Variants in CYBRD1 observed in about 807,000 individuals in gnomAD.
CYBRD1 encodes cytochrome b reductase 1.
A neutral mutation model predicts 21.9 loss-of-function variants in CYBRD1; 14 were observed. That is an observed-to-expected ratio of 0.64 (90% CI 0.42 to 1.00). The LOEUF is 1.00. Among genes scored for constraint, CYBRD1 ranks in the 50% least tolerant of loss-of-function variants. The probability of loss-of-function intolerance (pLI) is 0.00; values close to 1 mark genes in which losing one functional copy is unlikely to be tolerated. For synonymous variants in CYBRD1, 146 were observed against 136.5 expected, an observed-to-expected ratio of 1.07 and a Z score of -0.48; for missense variants, 328 against 352.5, an observed-to-expected ratio of 0.93 and a Z score of 0.56.
At chr2:171,536,231 C>A (rs991667872) in intron 1 of CYBRD1, among the ~76,000 whole-genome samples, 1 of 150,344 alleles carries the variant, frequency 6.7e-6, no homozygotes, top group East Asian at 2.0e-4. Flanking sequence ...CTCTGCCTCT[C>A]GGGTTCAAGC....
At position 171,554,618 on chromosome 2, in the gene CYBRD1, A is replaced by T; in HGVS notation, c.652A>T (p.Ile218Leu). 1 of 1,613,968 alleles carries T rather than the reference A, an allele frequency of 6.2e-7. No homozygotes were observed. ...ILVFGALIFWIVTRPQWKRPK... is the reference protein window; with the variant it reads ...ILVFGALIFWLVTRPQWKRPK... The stretch of plus-strand genomic sequence containing the variant: ...GGTGTTCGGGGCCCTCATTTTTTGG[A>T]TAGTCACCAGACCGCAATGGAAACG... The change falls in exon 4 of 4, where the codon ATA (isoleucine) becomes TTA (leucine). Residue 218 changes from isoleucine to leucine, a missense_variant. Coordinates refer to ENST00000321348, the MANE Select transcript of CYBRD1 (RefSeq NM_024843.4).
In CYBRD1 at chr2:171,522,475, C is replaced by T. The variant is rs1248573897; in HGVS notation, c.-71C>T. On this transcript the variant is annotated 5_prime_UTR_variant, in exon 1 of 4. Transcript: ENST00000321348. The surrounding 1 kb of genome is among the most constrained non-coding windows in gnomAD (Gnocchi z 4.3). ...TCGACGCCCCGGTCCCGCCGCCCGG[C>T]CACTACCCAGAGGGCTGCCGCCGCC... 2 of 1,544,994 alleles carry T rather than the reference C, an allele frequency of 1.3e-6. No individual in the cohort carries two copies. The highest frequency in any genetic ancestry group is 1.7e-6 in the Non-Finnish European group (2 of 1,146,686).
chr2:171,525,922 G>A (rs1697378703), intron 1 of CYBRD1, among the ~76,000 whole-genome samples: 1 of 139,144 alleles, frequency 7.2e-6, no homozygotes, highest in South Asian at 2.3e-4. Flanking sequence ...ACTTCAGCCT[G>A]GGCAACAAGA....
intron 1 of CYBRD1, among the ~76,000 whole-genome samples, chr2:171,525,022 C>G (rs896215432): frequency 6.6e-6 from 1 of 152,154 alleles, no homozygotes; most frequent in African/African-American, 2.4e-5. Flanking sequence ...ACTGCAACCT[C>G]CACCTCCCAG....
chr2:171,526,610 C>T (rs1697390211), intron 1 of CYBRD1, among the ~76,000 whole-genome samples: 1 of 152,168 alleles, frequency 6.6e-6, no homozygotes, highest in Non-Finnish European at 1.5e-5. Flanking sequence ...TTAGAAGAGG[C>T]TTTGTGCTTC....
At chr2:171,545,138 CAA>C (rs761208882) in intron 2 of CYBRD1, among the ~76,000 whole-genome samples, 68 of 68,788 alleles carry the variant, frequency 9.9e-4, no homozygotes, top group African/African-American at 7.8e-4. Context: ...GACCCTGTCT[CAA>C]AAAAAAAAAA....
intron 2 of CYBRD1, among the ~76,000 whole-genome samples, chr2:171,552,334 T>G (rs1683390242): frequency 6.6e-6 from 1 of 152,194 alleles, no homozygotes; most frequent in South Asian, 2.1e-4. Context: ...TACAAATTGT[T>G]TTGTTATCAG....
chr2:171,545,700 A>AT (rs1329408063), intron 2 of CYBRD1, among the ~76,000 whole-genome samples: 1 of 151,638 alleles, frequency 6.6e-6, no homozygotes, highest in African/African-American at 2.4e-5. Context: ...ATGTTTATTT[A>AT]TTTTTTAATT....
At chr2:171,537,355 C>T (rs532201534) in intron 1 of CYBRD1, among the ~76,000 whole-genome samples, 9 of 152,088 alleles carry the variant, frequency 5.9e-5, no homozygotes, top group Non-Finnish European at 1.2e-4. Context: ...TCCCAGGAAA[C>T]TAAAGAATTA....
intron 2 of CYBRD1, 120 bp downstream of exon 2, chr2:171,541,913 G>A: frequency 2.4e-6 from 2 of 846,170 alleles, no homozygotes; most frequent in East Asian, 5.3e-5. Flanking sequence ...CACCCAGGCT[G>A]GAGTGCAGTG....
chr2:171,546,838 G>T (rs1027200623), intron 2 of CYBRD1, among the ~76,000 whole-genome samples: 3 of 152,120 alleles, frequency 2.0e-5, no homozygotes, highest in African/African-American at 7.2e-5. Context: ...TAGCATGTGG[G>T]GAAGAGTTTG....
intron 2 of CYBRD1, among the ~76,000 whole-genome samples, chr2:171,543,922 G>A (rs149893464): frequency 6.0e-4 from 91 of 152,030 alleles, no homozygotes; most frequent in African/African-American, 2.0e-3. Context: ...ACATCTCCTG[G>A]TCCTCACATC....
Position 171,550,494 on chromosome 2 carries a change from A to T in CYBRD1, c.403-2852A>T, listed in dbSNP as rs1038509407. Among the ~76,000 whole-genome samples, 4 of 152,166 alleles carry T rather than the reference A, an allele frequency of 2.6e-5. No homozygotes were observed. The East Asian group carries it at 7.7e-4, about 29-fold the overall frequency. On this transcript the variant is annotated intron_variant, in intron 2 of 3. Coordinates refer to ENST00000321348, the MANE Select transcript of CYBRD1 (RefSeq NM_024843.4). ...CACTAGGTTATAAATTATCACCTTC[A>T]CTTGTAAGGTAGTAAGATTAAGATA...
intron 2 of CYBRD1, among the ~76,000 whole-genome samples, chr2:171,546,525 A>G (rs1328322992): frequency 6.6e-6 from 1 of 152,112 alleles, no homozygotes; most frequent in Non-Finnish European, 1.5e-5. Flanking sequence ...TCCCAAATCT[A>G]TTCATATATT....
At chr2:171,542,142 G>A (rs537951602) in intron 2 of CYBRD1, among the ~76,000 whole-genome samples, 2 of 152,222 alleles carry the variant, frequency 1.3e-5, no homozygotes, top group East Asian at 1.9e-4. Flanking sequence ...AGGATTACAG[G>A]TGTGAGCCAC....
rs116626706 is a variant in CYBRD1, at chr2:171,540,510, T to C, written c.194-1075T>C. ...TTTTGGCATATACCCGAGAGTGAAA[T>C]TGCTGGACAATAAGGTATGCATAAC... On this transcript the variant is annotated intron_variant, in intron 1 of 3. Transcript: ENST00000321348. Among the ~76,000 whole-genome samples, 185 of 152,246 alleles carry C rather than the reference T, an allele frequency of 1.2e-3. 3 individuals carry two copies. The highest frequency in any genetic ancestry group is 0.011 in the East Asian group (56 of 5,186).
intron 3 of CYBRD1, 150 bp downstream of exon 3, chr2:171,553,650 T>C (rs1683427893): frequency 1.6e-6 from 1 of 639,418 alleles, no homozygotes; most frequent in South Asian, 4.7e-5. Flanking sequence ...ATATAGGTAA[T>C]ATGATATTAC....
chr2:171,533,622 A>G (rs1352556921), intron 1 of CYBRD1, among the ~76,000 whole-genome samples: 1 of 152,256 alleles, frequency 6.6e-6, no homozygotes, highest in Admixed American at 6.5e-5. Context: ...AAACTTGTGT[A>G]TATAAATAGT....
chr2:171,530,939 A>G (rs1697455612), intron 1 of CYBRD1, among the ~76,000 whole-genome samples: 2 of 152,008 alleles, frequency 1.3e-5, no homozygotes. Flanking sequence ...GACTTTGGGA[A>G]GCCAAGTAGG....
Sources: allele counts gnomAD v4.1 joint callset (sites outside exome capture counted in the v4.1 genomes callset), GRCh38; gene constraint gnomAD v4.1.1; non-coding constraint Gnocchi (gnomAD v3.1); transcripts MANE v1.5; gene names NCBI Gene and HGNC (gene_info 2026-07-23, HGNC 2026-07-21).